The following C17orf99 variants were observed in gnomAD, a reference collection of about 807,000 sequenced individuals.
C17orf99 encodes the protein protein IL-40.
In C17orf99, 18 loss-of-function variants were observed where a neutral mutation model predicts 22.6. The observed-to-expected ratio is 0.80, with a 90% CI of 0.55 to 1.18. The LOEUF (loss-of-function observed/expected upper bound fraction) is 1.18. Ranked by LOEUF, C17orf99 falls within the 50% of genes most tolerant of loss-of-function variation. The pLI is 0.00. For missense variants in C17orf99, 328 were observed against 342.7 expected (o/e 0.96, Z 0.34); for synonymous variants, 147 against 136.6 (o/e 1.08, Z -0.53).
chr17:78,152,020 C>T (rs1400867930), intron 2 of C17orf99, among the ~76,000 whole-genome samples: 1 of 152,104 alleles, frequency 6.6e-6, no homozygotes, highest in Non-Finnish European at 1.5e-5. Flanking sequence ...GGACATGAGC[C>T]CTCCACAGTT....
intron 2 of C17orf99, 123 bp downstream of exon 2, chr17:78,147,034 A>G (rs2075442881): frequency 6.1e-6 from 5 of 825,668 alleles, no homozygotes; most frequent in Non-Finnish European, 1.0e-5. Flanking sequence ...GTGCTGGAGG[A>G]TGGCTGGACA....
In C17orf99 at chr17:78,146,977, G is replaced by A; in HGVS notation, c.70+66G>A. On this transcript the variant is annotated intron_variant, in intron 2 of 4. Coordinates refer to ENST00000340363, the MANE Select transcript of C17orf99 (RefSeq NM_001163075.2). The surrounding 1 kb of genome is among the most constrained non-coding windows in gnomAD (Gnocchi z 5.2). The stretch of plus-strand genomic sequence containing the variant: ...GGGACCCTGGTGTCAGAACCCCCAT[G>A]GTGGAGGGCGCCTCGGCTGGGAAGG... 1 of 1,416,704 alleles carries A rather than the reference G, an allele frequency of 7.1e-7. No individual in the cohort carries two copies. The highest frequency in any genetic ancestry group is 1.2e-5 in the South Asian group (1 of 81,300). The allele number at this position is 1,416,704 out of a possible 1,614,324, so 87.8% of individuals were successfully genotyped here. A position where few individuals can be genotyped will look rare whatever the true frequency, so the allele number is the denominator to read the frequency against.
chr17:78,163,607 C>T (rs1287321438), intron 3 of C17orf99, among the ~76,000 whole-genome samples: 1 of 152,204 alleles, frequency 6.6e-6, no homozygotes, highest in East Asian at 1.9e-4. Context: ...TGGCTCACGC[C>T]TAAAATCCCA....
At chr17:78,147,387 G>T (rs2075445175) in intron 2 of C17orf99, among the ~76,000 whole-genome samples, 1 of 152,188 alleles carries the variant, frequency 6.6e-6, no homozygotes, top group African/African-American at 2.4e-5. Flanking sequence ...GGCTCCCCCA[G>T]GGGCCTGACA....
intron 2 of C17orf99, among the ~76,000 whole-genome samples, chr17:78,151,568 C>T (rs547559349): frequency 3.3e-5 from 5 of 152,228 alleles, no homozygotes; most frequent in East Asian, 1.9e-4. Context: ...CAAGGCCCCG[C>T]GGGAGCACCT....
intron 2 of C17orf99, among the ~76,000 whole-genome samples, chr17:78,149,732 C>T (rs1291965380): frequency 2.7e-5 from 4 of 149,640 alleles, no homozygotes; most frequent in South Asian, 2.1e-4. Context: ...TTTTTTGAGA[C>T]GGGGTCTCGC....
intron 2 of C17orf99, among the ~76,000 whole-genome samples, chr17:78,155,276 A>T (rs2145782327): frequency 6.6e-6 from 1 of 151,986 alleles, no homozygotes; most frequent in Middle Eastern, 3.4e-3. Context: ...CTAGAATGAA[A>T]CATGCTTAGT....
chr17:78,153,705 CA>C (rs1463274157), intron 2 of C17orf99, among the ~76,000 whole-genome samples: 1 of 152,056 alleles, frequency 6.6e-6, no homozygotes, highest in Non-Finnish European at 1.5e-5. Flanking sequence ...CCCACTTCCC[CA>C]CGTGAGGCAG....
At chr17:78,161,415 C>T (rs529546750) in intron 3 of C17orf99, among the ~76,000 whole-genome samples, 161 bp downstream of exon 3, 1 of 152,304 alleles carries the variant, frequency 6.6e-6, no homozygotes, top group South Asian at 2.1e-4. Context: ...TTCTCAGTCC[C>T]TTGGGGCCTT....
intron 2 of C17orf99, 87 bp from the exon 3 acceptor site, chr17:78,160,868 C>T (rs967709620): frequency 2.5e-5 from 28 of 1,125,992 alleles, no homozygotes; most frequent in Non-Finnish European, 1.3e-6. Flanking sequence ...AGGTGTTTGC[C>T]ACCGAGCCTG....
At chr17:78,157,367 G>A in intron 2 of C17orf99, 1 of 1,052,516 alleles carries the variant, frequency 9.5e-7, no homozygotes, top group Non-Finnish European at 1.3e-6. Flanking sequence ...GAGGCTCACA[G>A]CCAGTGGACA....
chr17:78,155,124 A>ATTTT (rs771330920), intron 2 of C17orf99, among the ~76,000 whole-genome samples: 3 of 104,604 alleles, frequency 2.9e-5, no homozygotes, highest in East Asian at 2.5e-4. Flanking sequence ...AGCAACCCCT[A>ATTTT]TTTTTTTTTT....
chr17:78,161,993 G>T (rs920340546), intron 3 of C17orf99, among the ~76,000 whole-genome samples: 3 of 152,120 alleles, frequency 2.0e-5, no homozygotes, highest in Non-Finnish European at 4.4e-5. Flanking sequence ...GTTGCCCCAG[G>T]GGCTGGGTGT....
chr17:78,157,508 G>A, intron 2 of C17orf99: 2 of 1,184,830 alleles, frequency 1.7e-6, no homozygotes, highest in Non-Finnish European at 2.3e-6. Flanking sequence ...GTGTAAAAAT[G>A]ACTTTGTAGG....
At chr17:78,151,441 A>AAC (rs1206146237) in intron 2 of C17orf99, among the ~76,000 whole-genome samples, 1 of 151,064 alleles carries the variant, frequency 6.6e-6, no homozygotes, top group African/African-American at 2.4e-5. Context: ...AAAAAAAAAA[A>AAC]AAAAAGCAAA....
chr17:78,149,909 C>T (rs950845857), intron 2 of C17orf99, among the ~76,000 whole-genome samples: 1 of 151,940 alleles, frequency 6.6e-6, no homozygotes, highest in Non-Finnish European at 1.5e-5. Context: ...TGGGGTTTCA[C>T]CATGTTAGCC....
intron 3 of C17orf99, among the ~76,000 whole-genome samples, chr17:78,163,618 G>A (rs1459574110): frequency 6.6e-6 from 1 of 152,198 alleles, no homozygotes; most frequent in Admixed American, 6.5e-5. Flanking sequence ...TAAAATCCCA[G>A]CACTTTGGGA....
At chr17:78,157,388 A>G in intron 2 of C17orf99, 1 of 1,184,706 alleles carries the variant, frequency 8.4e-7, no homozygotes, top group South Asian at 1.2e-5. Context: ...GGGTTGAGTC[A>G]GTGAGTTCGT....
At chr17:78,153,862 C>G (rs2075504516) in intron 2 of C17orf99, among the ~76,000 whole-genome samples, 3 of 144,718 alleles carry the variant, frequency 2.1e-5, no homozygotes, top group Admixed American at 6.9e-5. Flanking sequence ...TCACTTTCTT[C>G]AAATCGAAGA....
Sources: gnomAD v4.1 joint callset for allele counts (sites outside exome capture counted in the v4.1 genomes callset) on GRCh38, gnomAD v4.1.1 for gene constraint, Gnocchi (gnomAD v3.1) non-coding constraint, MANE v1.5 for transcripts, NCBI Gene and HGNC (gene_info 2026-07-23, HGNC 2026-07-21) for gene names.